MEGF6: variants seen among roughly 807,000 people sequenced by gnomAD.
MEGF6 encodes multiple epidermal growth factor-like domains protein 6.
MEGF6 carries 184 observed loss-of-function variants against 207.1 expected under a neutral mutation model. The ratio of observed to expected loss-of-function variants is 0.89; its 90% CI spans 0.79 to 1.00. The LOEUF (loss-of-function observed/expected upper bound fraction) is 1.00, where lower values mean the gene tolerates loss of function less well. Among genes scored for constraint, MEGF6 ranks in the 50% least tolerant of loss-of-function variants. MEGF6 has a pLI of 0.00. For synonymous variants in MEGF6, 1,038 were observed against 910.0 expected (o/e 1.14, Z -2.53); for missense variants, 2,282 against 2,202.9 (o/e 1.04, Z -0.72).
chr1:3,597,590 C>T (rs1489356092), intron 2 of MEGF6, among the ~76,000 whole-genome samples: 4 of 152,228 alleles, frequency 2.6e-5, no homozygotes, highest in African/African-American at 9.6e-5. Flanking sequence ...AATCCAGTGA[C>T]GGGCGCCCTT....
chr1:3,551,461 G>C (rs1413348545), intron 4 of MEGF6, among the ~76,000 whole-genome samples: 1 of 152,090 alleles, frequency 6.6e-6, no homozygotes, highest in Admixed American at 6.5e-5. Context: ...CATCACTCTG[G>C]GCAGTGCCTC....
rs191490029 is a variant in MEGF6, at chr1:3,546,765, C to T, written c.482-22519G>A. ...GGGAAGGAGGGTGCCAGGGAGGCCA[C>T]CATGGCGGGGTGGCAATGGCCTGGG... On this transcript the variant is annotated intron_variant, in intron 4 of 36. Coordinates refer to ENST00000356575, the MANE Select transcript of MEGF6 (RefSeq NM_001409.4). Among the ~76,000 whole-genome samples the T allele has an allele frequency of 2.1e-4, 31 of 145,848 alleles. 1 individual carries two copies. Among genetic ancestry groups the T allele is most frequent in the African/African-American group, 7.0e-4 (27 of 38,666 alleles).
chr1:3,595,296 G>GTGGA, intron 3 of MEGF6, 42 bp downstream of exon 3: 1 of 1,420,228 alleles, frequency 7.0e-7, no homozygotes, highest in Non-Finnish European at 9.9e-7. Context: ...GTCCTCTGGG[G>GTGGA]TGGAGGTGGA....
chr1:3,580,052 T>C (rs1201269968), intron 3 of MEGF6, 123 bp from the exon 4 acceptor site: 2 of 658,456 alleles, frequency 3.0e-6, no homozygotes, highest in Non-Finnish European at 5.0e-6. Flanking sequence ...CCCCGTTCTC[T>C]CTGTCCTAGG....
At chr1:3,517,266 G>A (rs557408638) in intron 5 of MEGF6, among the ~76,000 whole-genome samples, 82 of 152,318 alleles carry the variant, frequency 5.4e-4, no homozygotes, top group African/African-American at 1.9e-3. Flanking sequence ...AGGAGGCTGC[G>A]GCAGGGCTGG....
intron 3 of MEGF6, among the ~76,000 whole-genome samples, chr1:3,587,229 G>A (rs1313955374): frequency 3.3e-5 from 5 of 152,218 alleles, no homozygotes; most frequent in Admixed American, 6.5e-5. Flanking sequence ...AGGACTCCGC[G>A]GTCATAACAC....
intron 27 of MEGF6, 46 bp downstream of exon 27, chr1:3,497,187 C>A: frequency 6.5e-7 from 1 of 1,529,270 alleles, no homozygotes. Flanking sequence ...TCTCTGGATT[C>A]CCCCTGCCCA....
intron 35 of MEGF6, among the ~76,000 whole-genome samples, chr1:3,492,234 G>A (rs111696316): frequency 0.033 from 4,986 of 152,196 alleles, 265 homozygotes; most frequent in African/African-American, 0.11. Context: ...CTCACACCCT[G>A]GTGCACGTGT....
rs370616878 is a variant in MEGF6 at position 3,511,670 on chromosome 1, C to T, written c.994G>A (p.Val332Met). Residue 332 changes from valine (V) to methionine (M), a missense_variant, in exon 9 of 37, where the codon GTG becomes ATG. Val to Met is a conservative substitution (Grantham distance 21). Transcript: ENST00000356575. The part of the protein sequence containing the change: ...RQCYRIEMEI[V>M]NSCEANNGGC... ...CCGTTGTTGGCCTCACAGCTGTTCACGATTTCCATCTCAATCCCTGCCGTG... is the reference window on the plus strand; with the variant it reads ...CCGTTGTTGGCCTCACAGCTGTTCATGATTTCCATCTCAATCCCTGCCGTG... The T allele has an allele frequency of 5.0e-6, 8 of 1,608,784 alleles. No individual in the cohort carries two copies. Among genetic ancestry groups the T allele is most frequent in the Admixed American group, 3.3e-5 (2 of 59,886 alleles).
intron 4 of MEGF6, among the ~76,000 whole-genome samples, chr1:3,546,504 C>T (rs1161547252): frequency 2.0e-5 from 3 of 152,126 alleles, no homozygotes; most frequent in Non-Finnish European, 2.9e-5. Context: ...AGCCTGTGGG[C>T]CAGGAAGGAG....
chr1:3,545,520 G>A (rs935056787), intron 4 of MEGF6, among the ~76,000 whole-genome samples: 4 of 152,184 alleles, frequency 2.6e-5, no homozygotes, highest in Non-Finnish European at 5.9e-5. Flanking sequence ...GGACAAGGGT[G>A]GGGGCCCTGC....
rs182089315 is a variant in MEGF6 at position 3,564,460 on chromosome 1, C to T, written c.481+15365G>A. Among the ~76,000 whole-genome samples the T allele has an allele frequency of 2.3e-3, 347 of 152,100 alleles. 1 individual carries two copies. The highest frequency in any genetic ancestry group is 7.5e-3 in the African/African-American group (311 of 41,458). On this transcript the variant is annotated intron_variant, in intron 4 of 36. Coordinates refer to ENST00000356575, the MANE Select transcript of MEGF6 (RefSeq NM_001409.4). The stretch of plus-strand genomic sequence containing the variant: ...GGGAAGGGAGAGGGAACAGTCTGGC[C>T]GGGGTGACCCTAATACTCGTGTTCC...
At chr1:3,510,308 G>A (rs1397479086) in intron 10 of MEGF6, among the ~76,000 whole-genome samples, 1 of 152,124 alleles carries the variant, frequency 6.6e-6, no homozygotes, top group Non-Finnish European at 1.5e-5. Flanking sequence ...AGGGAGGGAG[G>A]GGACAGGTCA....
intron 4 of MEGF6, among the ~76,000 whole-genome samples, chr1:3,547,440 C>T (rs1557767700): frequency 6.6e-6 from 1 of 152,192 alleles, no homozygotes; most frequent in Non-Finnish European, 1.5e-5. Context: ...AAAGCAGCCA[C>T]ACCCTTTTTG....
chr1:3,563,387 G>A (rs1643257773), intron 4 of MEGF6, among the ~76,000 whole-genome samples: 1 of 152,112 alleles, frequency 6.6e-6, no homozygotes, highest in Non-Finnish European at 1.5e-5. Context: ...CACCTGCCCT[G>A]TCCACAGACC....
chr1:3,498,243 G>T, intron 26 of MEGF6, 128 bp downstream of exon 26: 1 of 1,211,538 alleles, frequency 8.3e-7, no homozygotes, highest in Non-Finnish European at 1.1e-6. Context: ...GGCAGCTCTT[G>T]CATTCACAGG....
intron 3 of MEGF6, among the ~76,000 whole-genome samples, chr1:3,587,903 T>G (rs958827428): frequency 0.15 from 230 of 1,580 alleles, 16 homozygotes; most frequent in South Asian, 0.41. Context: ...GGGGCAGGAG[T>G]GGCCAGGAGG....
intron 12 of MEGF6, 59 bp downstream of exon 12, chr1:3,509,016 G>C: frequency 6.9e-7 from 1 of 1,453,866 alleles, no homozygotes; most frequent in Non-Finnish European, 9.1e-7. Context: ...CCTAGCCCGA[G>C]GGGTCGCTGG....
intron 17 of MEGF6, 67 bp from the exon 18 acceptor site, chr1:3,501,988 C>T (rs904631115): frequency 3.9e-6 from 6 of 1,521,726 alleles, no homozygotes; most frequent in African/African-American, 3.1e-5. Context: ...GCCTTTCCCC[C>T]AGGGGCTCCT....
Sources: gnomAD v4.1 joint callset for allele counts (sites outside exome capture counted in the v4.1 genomes callset) on GRCh38, gnomAD v4.1.1 for gene constraint, MANE v1.5 for transcripts, NCBI Gene and HGNC (gene_info 2026-07-23, HGNC 2026-07-21) for gene names.